PARVA: variants seen among roughly 807,000 people sequenced by gnomAD.
PARVA encodes the protein parvin alpha.
PARVA carries 25 observed loss-of-function variants against 52.6 expected under a neutral mutation model. The ratio of observed to expected loss-of-function variants is 0.48; its 90% CI spans 0.35 to 0.66. The LOEUF (loss-of-function observed/expected upper bound fraction) is 0.66, where lower values mean the gene tolerates loss of function less well. PARVA is among the 30% of genes least tolerant of loss of function. The pLI is 0.01. For synonymous variants in PARVA, 185 were observed against 179.1 expected (o/e 1.03, Z -0.26); for missense variants, 373 against 450.9 (o/e 0.83, Z 1.56).
chr11:12,387,494 T>C (rs1444101345), intron 1 of PARVA, among the ~76,000 whole-genome samples: 1 of 152,166 alleles, frequency 6.6e-6, no homozygotes, highest in Non-Finnish European at 1.5e-5. Flanking sequence ...CCCCAAACTC[T>C]GCTTTAACCT....
At chr11:12,457,227 G>A (rs1940709262) in intron 1 of PARVA, among the ~76,000 whole-genome samples, 1 of 152,184 alleles carries the variant, frequency 6.6e-6, no homozygotes. Flanking sequence ...GGCAGTTAAA[G>A]CATCTTCGAT....
At position 12,513,507 on chromosome 11, in the gene PARVA, C is replaced by A. The variant is rs555412402; in HGVS notation, c.798+147C>A. ...ACACAGGGCTTTCCCCCTTGCCATC[C>A]ATGTACCTGTCTGTTCCTCACTGGA... On this transcript the variant is annotated intron_variant, in intron 9 of 12. Transcript: ENST00000334956. 61 of 782,772 alleles carry A rather than the reference C, an allele frequency of 7.8e-5. 1 individual carries two copies. The South Asian group carries it at 8.2e-4, about 11-fold the overall frequency. The allele number at this position is 782,772 out of a possible 1,614,324, so 48.5% of individuals were successfully genotyped here.
At chr11:12,483,518 A>G (rs180851189) in intron 4 of PARVA, among the ~76,000 whole-genome samples, 3 of 152,276 alleles carry the variant, frequency 2.0e-5, no homozygotes, top group East Asian at 3.9e-4. Context: ...TAGCAAGGGC[A>G]TTTATCCTAT....
chr11:12,488,822 G>A (rs1941195475), intron 4 of PARVA, among the ~76,000 whole-genome samples: 1 of 152,122 alleles, frequency 6.6e-6, no homozygotes, highest in Non-Finnish European at 1.5e-5. Flanking sequence ...GGTCACTAGT[G>A]CCCCAAGACA....
Position 12,518,583 on chromosome 11 carries a change from G to A in PARVA, c.1042+66G>A, listed in dbSNP as rs1941599823. ...CCCTCTCCCTGCACATGAGTACTCA[G>A]ATTTTGTAGCAGAGGGAAGCATTTT... On this transcript the variant is annotated intron_variant, in intron 12 of 12. Transcript: ENST00000334956. The A allele has an allele frequency of 5.1e-6, 6 of 1,184,200 alleles. No homozygotes were observed. In the Admixed American group the frequency reaches 1.1e-4, roughly 22 times the overall value. 73.4% of individuals were successfully genotyped at this position (1,184,200 alleles called of 1,614,324 possible).
chr11:12,510,818 G>A (rs1589986316), intron 7 of PARVA, among the ~76,000 whole-genome samples: 1 of 152,152 alleles, frequency 6.6e-6, no homozygotes, highest in African/African-American at 2.4e-5. Flanking sequence ...ACAACACGTA[G>A]GAATTCTGGG....
rs145545501 is a variant in PARVA, at chr11:12,517,633, G to A, written c.891G>A (p.Val297=). The part of the protein sequence containing the change: ...ETQFADGVYL[V]LLMGLLEGYF... ...AGTTTGCAGATGGGGTGTACCTGGT[G>A]CTGCTCATGGGGCTCCTGGAGGGCT... Residue 297 remains valine, a synonymous_variant, in exon 11 of 13, where the codon GTG becomes GTA. Transcript: ENST00000334956. The A allele has an allele frequency of 2.9e-3, 4,601 of 1,601,602 alleles. 24 individuals are homozygous for A. The highest frequency in any genetic ancestry group is 0.018 in the Middle Eastern group (106 of 6,038).
chr11:12,439,761 G>T (rs1181763703), intron 1 of PARVA, among the ~76,000 whole-genome samples: 2 of 152,026 alleles, frequency 1.3e-5, no homozygotes, highest in Non-Finnish European at 2.9e-5. Flanking sequence ...TGGCCTTCTT[G>T]TTCCCTACAG....
intron 1 of PARVA, among the ~76,000 whole-genome samples, chr11:12,386,633 C>T (rs185364350): frequency 6.6e-6 from 1 of 152,272 alleles, no homozygotes; most frequent in East Asian, 1.9e-4. Flanking sequence ...AATGAATTTC[C>T]CCATATTTAC....
At chr11:12,448,279 G>A (rs1270115291) in intron 1 of PARVA, among the ~76,000 whole-genome samples, 1 of 152,152 alleles carries the variant, frequency 6.6e-6, no homozygotes, top group Non-Finnish European at 1.5e-5. Flanking sequence ...TGGCCTGCAC[G>A]CTAATGGGGA....
At position 12,492,834 on chromosome 11, in the gene PARVA, T is replaced by TACACAC. The variant is rs35906710; in HGVS notation, c.401-3612_401-3607dup. Among the ~76,000 whole-genome samples the TACACAC allele has an allele frequency of 5.0e-3, 744 of 150,100 alleles. 7 individuals are homozygous for TACACAC. Among genetic ancestry groups the TACACAC allele is most frequent in the Middle Eastern group, 0.021 (6 of 290 alleles). Reference sequence around the variant, plus strand: ...CCAGCAGTAATCAATTAGTAATACATACACACACACACACACAAGATGTTT... The same window carrying TACACAC: ...CCAGCAGTAATCAATTAGTAATACATACACACACACACACACACACACAAGATGTTT... On this transcript the variant is annotated intron_variant, in intron 4 of 12. Coordinates refer to ENST00000334956, the MANE Select transcript of PARVA (RefSeq NM_018222.5).
At chr11:12,482,168 A>G (rs1941096871) in intron 4 of PARVA, among the ~76,000 whole-genome samples, 1 of 151,630 alleles carries the variant, frequency 6.6e-6, no homozygotes, top group East Asian at 1.9e-4. Flanking sequence ...AAAAAAAAAA[A>G]AAAAGAAAAA....
Position 12,496,439 on chromosome 11 carries a change from TTTCC to T in PARVA, c.401-18_401-15del. 6.2e-7 allele frequency: 1 copy of T among 1,602,130 alleles called. No homozygotes were observed. Among genetic ancestry groups the T allele is most frequent in the South Asian group, 1.1e-5 (1 of 88,284 alleles). ...GGGCCCAGCATAACAGCTGTTCTCT[TTTCC>T]CTTGTCACCCTCAGAGAAACTGGAG... On this transcript the variant is annotated splice_polypyrimidine_tract_variant and intron_variant, in intron 4 of 12. Coordinates refer to ENST00000334956, the MANE Select transcript of PARVA (RefSeq NM_018222.5).
chr11:12,460,733 T>C (rs922331486), intron 1 of PARVA, among the ~76,000 whole-genome samples: 1 of 152,192 alleles, frequency 6.6e-6, no homozygotes, highest in African/African-American at 2.4e-5. Context: ...CAAAAATAAA[T>C]GACTGGCTGT....
At chr11:12,495,781 G>A (rs1367749447) in intron 4 of PARVA, among the ~76,000 whole-genome samples, 1 of 152,078 alleles carries the variant, frequency 6.6e-6, no homozygotes. Flanking sequence ...ACTTTTTGAA[G>A]GTGCTCATGT....
At chr11:12,436,721 C>T (rs759176891) in intron 1 of PARVA, among the ~76,000 whole-genome samples, 16 of 152,090 alleles carry the variant, frequency 1.1e-4, no homozygotes, top group Middle Eastern at 6.8e-3. Context: ...GAAGGGTATT[C>T]AGCAGGTTGT....
In PARVA at chr11:12,531,598, G is replaced by A. The variant is rs1051195488; in HGVS notation, c.*3673G>A. On this transcript the variant is annotated 3_prime_UTR_variant, in exon 13 of 13. Transcript: ENST00000334956. The stretch of plus-strand genomic sequence containing the variant: ...TCGGTAGGTGAAACAGTTTTGCCGT[G>A]CCTAAGTGGAGGCTGATCAAAACTA... 6.6e-6 allele frequency among the ~76,000 whole-genome samples: 1 copy of A among 151,808 alleles called. No homozygotes were observed. The highest frequency in any genetic ancestry group is 2.4e-5 in the African/African-American group (1 of 41,290).
chr11:12,428,743 C>T (rs1175491884), intron 1 of PARVA, among the ~76,000 whole-genome samples: 1 of 152,138 alleles, frequency 6.6e-6, no homozygotes, highest in Non-Finnish European at 1.5e-5. Context: ...TTTTGGTGCT[C>T]ACCCCACGCA....
intron 1 of PARVA, among the ~76,000 whole-genome samples, chr11:12,437,109 A>T (rs1940396933): frequency 6.6e-6 from 1 of 152,224 alleles, no homozygotes. Context: ...TTATAATCCA[A>T]TATTTTATAG....
Sources: gnomAD v4.1 joint callset for allele counts (sites outside exome capture counted in the v4.1 genomes callset) on GRCh38, gnomAD v4.1.1 for gene constraint, MANE v1.5 for transcripts, NCBI Gene and HGNC (gene_info 2026-07-23, HGNC 2026-07-21) for gene names.